TNS1: variants seen among roughly 807,000 people sequenced by gnomAD.
TNS1 encodes the protein tensin-1.
In TNS1, 62 loss-of-function variants were observed where a neutral mutation model predicts 168.6. The observed-to-expected ratio is 0.37, with a 90% CI of 0.30 to 0.45. TNS1 has a LOEUF of 0.45. Ranked by LOEUF, TNS1 falls within the 20% of genes least tolerant of loss-of-function variation. The pLI is 1.00. For missense variants in TNS1, 2,240 were observed against 2,339.4 expected (o/e 0.96, Z 0.88); for synonymous variants, 934 against 933.2 (o/e 1.00, Z -0.02).
intron 3 of TNS1, among the ~76,000 whole-genome samples, chr2:217,950,368 C>T (rs915723335): frequency 9.2e-5 from 14 of 152,164 alleles, no homozygotes; most frequent in African/African-American, 3.4e-4. Flanking sequence ...TCCCATTCAT[C>T]TCTGAATGGC....
intron 19 of TNS1, among the ~76,000 whole-genome samples, chr2:217,843,090 T>C (rs551277317): frequency 3.3e-5 from 5 of 152,012 alleles, no homozygotes; most frequent in Non-Finnish European, 7.4e-5. Flanking sequence ...AATCGAATGA[T>C]TGAATGAGCC....
intron 18 of TNS1, among the ~76,000 whole-genome samples, chr2:217,862,968 T>C (rs1948922111): frequency 6.6e-6 from 1 of 152,144 alleles, no homozygotes; most frequent in South Asian, 2.1e-4. Context: ...GACCTACAGC[T>C]GGAGCCAGGT....
At chr2:218,029,968 C>A (rs766244916) in intron 1 of TNS1, among the ~76,000 whole-genome samples, 1 of 152,172 alleles carries the variant, frequency 6.6e-6, no homozygotes, top group Admixed American at 6.5e-5. Context: ...TTATTTTCAA[C>A]TTCCTCCTGC....
At chr2:217,884,933 T>G in intron 16 of TNS1, 102 bp downstream of exon 16, 2 of 1,459,736 alleles carry the variant, frequency 1.4e-6, no homozygotes, top group Non-Finnish European at 1.9e-6. Context: ...ACAGACCACA[T>G]GGTCCAGAAA....
intron 3 of TNS1, among the ~76,000 whole-genome samples, chr2:217,940,050 GCCTGCCAGGCTGGCCAC>G (rs1956834444): frequency 6.6e-6 from 1 of 152,268 alleles, no homozygotes; most frequent in African/African-American, 2.4e-5. Flanking sequence ...TGTGGGCAAA[GCCTGCCAGGCTGGCCAC>G]CCTGCCACCC....
chr2:217,897,756 C>T (rs760280143), intron 8 of TNS1, 42 bp downstream of exon 8: 6 of 1,521,076 alleles, frequency 3.9e-6, no homozygotes, highest in Non-Finnish European at 4.4e-6. Flanking sequence ...CAGATGGAAG[C>T]ATAGAGGGCA....
chr2:217,991,957 C>A (rs1249679720), intron 1 of TNS1, among the ~76,000 whole-genome samples: 6 of 152,134 alleles, frequency 3.9e-5, no homozygotes, highest in Non-Finnish European at 1.5e-5. Flanking sequence ...ACCATAAAGC[C>A]CTGGGTCAGT....
intron 9 of TNS1, among the ~76,000 whole-genome samples, chr2:217,893,856 G>GT (rs533578449): frequency 3.6e-4 from 55 of 152,282 alleles, no homozygotes; most frequent in African/African-American, 1.1e-3. Context: ...CCATATGTGT[G>GT]TTAAAAAAAC....
chr2:217,821,566 C>T (rs560074236), intron 23 of TNS1, among the ~76,000 whole-genome samples, 174 bp downstream of exon 23: 6 of 152,326 alleles, frequency 3.9e-5, no homozygotes, highest in African/African-American at 9.6e-5. Context: ...GGATTCAGCG[C>T]GCAGGACATG....
At chr2:217,821,982 G>C in intron 22 of TNS1, 44 bp from the exon 23 acceptor site, 4 of 1,533,180 alleles carry the variant, frequency 2.6e-6, no homozygotes, top group Non-Finnish European at 3.5e-6. Flanking sequence ...CAGATGCACA[G>C]GGGTGCAGTG....
At chr2:217,906,306 C>G (rs549284156) in intron 6 of TNS1, 29 bp downstream of exon 6, 6 of 701,650 alleles carry the variant, frequency 8.6e-6, no homozygotes, top group Middle Eastern at 2.3e-4. Context: ...GGGCCCAGCC[C>G]CATCCTTCTT....
chr2:217,943,584 C>T (rs1957019501), intron 3 of TNS1, among the ~76,000 whole-genome samples: 1 of 152,182 alleles, frequency 6.6e-6, no homozygotes, highest in Admixed American at 6.5e-5. Context: ...TGGTTGCTCT[C>T]TCAGAGCAGG....
In TNS1 at chr2:217,847,644, T is replaced by C. The variant is rs752258617; in HGVS notation, c.2873A>G (p.Gln958Arg). The C allele has an allele frequency of 1.3e-6, 2 of 1,586,178 alleles. No individual in the cohort carries two copies. The highest frequency in any genetic ancestry group is 2.2e-5 in the South Asian group (2 of 88,958). Residue 958 changes from glutamine (Q) to arginine (R), a missense_variant, in exon 19 of 33, where the codon CAG (glutamine) becomes CGG (arginine). Physicochemically the swap from Gln to Arg is conservative, Grantham distance 43 (BLOSUM62 1). Around this residue, in one of 2 missense-constraint regions of TNS1, gnomAD observed 2,131 missense variants for 2,171.2 expected, o/e 0.98. Coordinates refer to ENST00000682258, the MANE Select transcript of TNS1 (RefSeq NM_001387777.1). ...LPTTHSPPGP[Q>R]QPPASLPGLT... ...GCCAGGGAGAGAGGCTGGGGGTTGC[T>C]GAGGCCCTGGAGGGCTGTGGGTGGT...
chr2:217,970,997 A>T (rs1957762597), intron 3 of TNS1, among the ~76,000 whole-genome samples: 1 of 152,210 alleles, frequency 6.6e-6, no homozygotes, highest in African/African-American at 2.4e-5. Context: ...AAGAAGACAG[A>T]GCTTGGTCTC....
At chr2:217,835,884 G>C in intron 20 of TNS1, 131 bp downstream of exon 20, 1 of 733,898 alleles carries the variant, frequency 1.4e-6, no homozygotes, top group Non-Finnish European at 2.2e-6. Flanking sequence ...AAGAGAGTTT[G>C]GGTGAGGACG....
intron 3 of TNS1, among the ~76,000 whole-genome samples, chr2:217,971,203 G>A (rs1036701080): frequency 1.3e-5 from 2 of 152,140 alleles, no homozygotes; most frequent in African/African-American, 4.8e-5. Context: ...CATCCCCCAA[G>A]GAAGTTCCTT....
intron 3 of TNS1, among the ~76,000 whole-genome samples, chr2:217,977,086 G>A (rs150828425): frequency 1.3e-5 from 2 of 152,324 alleles, no homozygotes; most frequent in East Asian, 3.9e-4. Flanking sequence ...CATGTGAAAT[G>A]CTGTCTAAGA....
chr2:217,929,425 G>A (rs1956198584), intron 3 of TNS1, among the ~76,000 whole-genome samples: 1 of 152,156 alleles, frequency 6.6e-6, no homozygotes, highest in Admixed American at 6.5e-5. Flanking sequence ...GAGTACCTAT[G>A]GAGTGCCAGG....
intron 4 of TNS1, among the ~76,000 whole-genome samples, chr2:217,911,681 G>GGA (rs1954426483): frequency 6.6e-6 from 1 of 152,194 alleles, no homozygotes; most frequent in African/African-American, 2.4e-5. Flanking sequence ...TGAGGGCCTG[G>GGA]GAGATGTAGT....
Sources: allele counts gnomAD v4.1 joint callset (sites outside exome capture counted in the v4.1 genomes callset), GRCh38; gene constraint gnomAD v4.1.1; regional missense constraint gnomAD v4.1.1; transcripts MANE v1.5; gene names NCBI Gene and HGNC (gene_info 2026-07-23, HGNC 2026-07-21).